Variants in SUGCT observed in about 807,000 individuals in gnomAD.
SUGCT encodes succinyl-CoA:glutarate-CoA transferase, also known as succinyl-CoA:glutarate CoA-transferase.
Under a neutral mutation model 55.0 loss-of-function variants are expected in SUGCT, and 41 were observed. That is an observed-to-expected ratio of 0.74 (90% CI 0.58 to 0.97). The LOEUF (loss-of-function observed/expected upper bound fraction) is 0.97, where lower values mean the gene tolerates loss of function less well. Among genes scored for constraint, SUGCT ranks in the 50% least tolerant of loss-of-function variants. SUGCT has a pLI of 0.00. For missense variants in SUGCT, 568 were observed against 547.8 expected (o/e 1.04, Z -0.37); for synonymous variants, 187 against 200.4 (o/e 0.93, Z 0.56).
intron 7 of SUGCT, among the ~76,000 whole-genome samples, chr7:40,272,440 T>G (rs949981571): frequency 1.3e-5 from 2 of 149,488 alleles, no homozygotes; most frequent in African/African-American, 4.9e-5. Flanking sequence ...GCCTCCAAAG[T>G]GTTGGGATTT....
At chr7:40,248,697 T>C (rs970870852) in intron 7 of SUGCT, among the ~76,000 whole-genome samples, 2 of 152,064 alleles carry the variant, frequency 1.3e-5, no homozygotes, top group Non-Finnish European at 2.9e-5. Context: ...GTAGGAAAAA[T>C]CCCTAGAAGG....
chr7:40,800,765 A>G (rs1790777478), intron 13 of SUGCT, among the ~76,000 whole-genome samples: 1 of 152,190 alleles, frequency 6.6e-6, no homozygotes, highest in Admixed American at 6.6e-5. Context: ...AGTTGAAGCT[A>G]TAGTGTTCTT....
chr7:40,960,670 G>A, the SUGCT span, among the ~76,000 whole-genome samples: 1 of 152,130 alleles, frequency 6.6e-6, no homozygotes, highest in Admixed American at 6.5e-5. Flanking sequence ...AGACATTTGG[G>A]TAACTTTTTC....
intron 13 of SUGCT, among the ~76,000 whole-genome samples, chr7:40,860,035 C>A (rs1352176471): frequency 6.6e-6 from 1 of 152,192 alleles, no homozygotes; most frequent in Non-Finnish European, 1.5e-5. Flanking sequence ...GACGGGAACA[C>A]CAGCTTCCAA....
intron 9 of SUGCT, among the ~76,000 whole-genome samples, chr7:40,332,785 G>A (rs908009429): frequency 3.9e-5 from 6 of 152,138 alleles, no homozygotes; most frequent in African/African-American, 9.7e-5. Context: ...GCAGTTTAGG[G>A]TTTAACCTAA....
chr7:40,350,790 C>T (rs1005303120), intron 9 of SUGCT, among the ~76,000 whole-genome samples: 4 of 151,986 alleles, frequency 2.6e-5, no homozygotes, highest in Admixed American at 1.3e-4. Flanking sequence ...TTCCCTCCCC[C>T]GCAACCCCCC....
chr7:40,732,432 G>A (rs553072010), intron 12 of SUGCT, among the ~76,000 whole-genome samples: 3 of 152,304 alleles, frequency 2.0e-5, no homozygotes, highest in South Asian at 4.1e-4. Context: ...TAATCCAGGA[G>A]TGGGACTTGA....
At chr7:40,149,720 C>G (rs1788450845) in intron 1 of SUGCT, among the ~76,000 whole-genome samples, 1 of 152,146 alleles carries the variant, frequency 6.6e-6, no homozygotes, top group Non-Finnish European at 1.5e-5. Context: ...GAGTTCACGA[C>G]CAGCCTGGCC....
chr7:40,823,254 CCT>C (rs1792120155), intron 13 of SUGCT, among the ~76,000 whole-genome samples: 1 of 152,076 alleles, frequency 6.6e-6, no homozygotes, highest in South Asian at 2.1e-4. Context: ...AAAAATAGAA[CCT>C]TTGTTAAAAG....
chr7:40,557,524 G>C (rs1342539767), intron 12 of SUGCT, among the ~76,000 whole-genome samples: 1 of 152,178 alleles, frequency 6.6e-6, no homozygotes, highest in Non-Finnish European at 1.5e-5. Flanking sequence ...TGTAATCCCA[G>C]CACTTTGGTA....
intron 11 of SUGCT, among the ~76,000 whole-genome samples, chr7:40,479,086 A>G (rs1790872350): frequency 6.6e-6 from 1 of 152,084 alleles, no homozygotes; most frequent in Non-Finnish European, 1.5e-5. Context: ...ACACACACAT[A>G]TATATGTTTG....
At chr7:41,021,521 C>G in the SUGCT span, among the ~76,000 whole-genome samples, 1 of 151,814 alleles carries the variant, frequency 6.6e-6, no homozygotes, top group Non-Finnish European at 1.5e-5. Flanking sequence ...AACTTTCAGT[C>G]TGAAAAATGT....
intron 7 of SUGCT, among the ~76,000 whole-genome samples, chr7:40,254,670 C>T (rs1210803466): frequency 1.3e-5 from 2 of 151,756 alleles, no homozygotes; most frequent in South Asian, 2.1e-4. Flanking sequence ...GCTGGGATTA[C>T]AGGTGTCAGC....
rs1792275279 is a variant in SUGCT, at chr7:40,273,853, C to T, written c.577-660C>T. Among the ~76,000 whole-genome samples, 3 of 152,034 alleles carry T rather than the reference C, an allele frequency of 2.0e-5. No individual in the cohort carries two copies. The South Asian group carries it at 6.2e-4, about 32-fold the overall frequency. On this transcript the variant is annotated intron_variant, in intron 7 of 13. Transcript: ENST00000335693. ...GGCTGTGAAACATCTCCGTTTTATACCCAGATAGTTGCAAAGCTCATGCCC... is the reference window on the plus strand; with the variant it reads ...GGCTGTGAAACATCTCCGTTTTATATCCAGATAGTTGCAAAGCTCATGCCC...
the SUGCT span, among the ~76,000 whole-genome samples, chr7:40,866,686 C>T: frequency 1.3e-5 from 2 of 151,830 alleles, no homozygotes; most frequent in Admixed American, 6.6e-5. Flanking sequence ...TCCAAGCCCA[C>T]GTTTCCCATA....
At chr7:40,182,436 C>T (rs868351454) in intron 3 of SUGCT, among the ~76,000 whole-genome samples, 1 of 151,914 alleles carries the variant, frequency 6.6e-6, no homozygotes, top group African/African-American at 2.4e-5. Context: ...CAGGCATGGA[C>T]CTGTAATTGC....
intron 13 of SUGCT, among the ~76,000 whole-genome samples, chr7:40,836,409 A>G (rs1792977710): frequency 6.6e-6 from 1 of 152,182 alleles, no homozygotes; most frequent in African/African-American, 2.4e-5. Flanking sequence ...TCAGACAGGA[A>G]ACTGTCAGTG....
chr7:40,348,735 AT>A (rs997735392), intron 9 of SUGCT, among the ~76,000 whole-genome samples: 2 of 152,022 alleles, frequency 1.3e-5, no homozygotes, highest in East Asian at 3.9e-4. Context: ...AAGTTTTTAG[AT>A]TTGTCCTGCA....
intron 9 of SUGCT, among the ~76,000 whole-genome samples, chr7:40,412,656 C>G (rs113600637): frequency 6.6e-6 from 1 of 152,212 alleles, no homozygotes; most frequent in African/African-American, 2.4e-5. Flanking sequence ...ATATGTTCCT[C>G]CCATTTTTCA....
Sources: gnomAD v4.1 joint callset for allele counts (sites outside exome capture counted in the v4.1 genomes callset) on GRCh38, gnomAD v4.1.1 for gene constraint, MANE v1.5 for transcripts, NCBI Gene and HGNC (gene_info 2026-07-23, HGNC 2026-07-21) for gene names.